NOS2: variants seen among roughly 807,000 people sequenced by gnomAD.
NOS2 encodes the protein nitric oxide synthase 2, also known as nitric oxide synthase, inducible.
NOS2 carries 96 observed loss-of-function variants against 136.0 expected under a neutral mutation model. The observed-to-expected ratio is 0.71, with a 90% confidence interval of 0.60 to 0.84. The LOEUF is 0.84. NOS2 is among the 40% of genes least tolerant of loss of function. NOS2 has a pLI of 0.00. For missense variants in NOS2, 1,237 were observed against 1,496.9 expected (o/e 0.83, Z 2.87); for synonymous variants, 539 against 587.5 (o/e 0.92, Z 1.20).
rs897529599 is a variant in NOS2 at position 27,760,030 on chromosome 17, C to G, written c.3159G>C (p.Lys1053Asn). 1 of 1,524,396 alleles carries G rather than the reference C, an allele frequency of 6.6e-7. No homozygotes were observed. Among genetic ancestry groups the G allele is most frequent in the Non-Finnish European group, 8.8e-7 (1 of 1,137,032 alleles). The allele number at this position is 1,524,396 out of a possible 1,614,324, so 94.4% of individuals were successfully genotyped here. A position where few individuals can be genotyped will look rare whatever the true frequency, so the allele number is the denominator to read the frequency against. Reference sequence around the variant, plus strand: ...TCACCTGCTTTGAGGCTGCATTTACCTTGGGCTTGCCAGGCAGGCGGGAAT... The same window carrying G: ...TCACCTGCTTTGAGGCTGCATTTACGTTGGGCTTGCCAGGCAGGCGGGAAT... ...TAYSRLPGKPKVYVQDILRQQ... is the reference protein window; with the variant it reads ...TAYSRLPGKPNVYVQDILRQQ... Residue 1053 changes from lysine (K) to asparagine (N), a missense_variant and splice_region_variant, in exon 25 of 27, where the codon AAG becomes AAC. By Grantham distance (94) the Lys-to-Asn change is moderately conservative (BLOSUM62 0). Transcript: ENST00000313735.
intron 2 of NOS2, among the ~76,000 whole-genome samples, chr17:27,797,663 C>T (rs900058106): frequency 1.3e-5 from 2 of 152,186 alleles, no homozygotes; most frequent in Non-Finnish European, 2.9e-5. Flanking sequence ...ATGTGGTGGT[C>T]TTGTGTAGAT....
At position 27,763,082 on chromosome 17, in the gene NOS2, C is replaced by A. The variant is rs1908188116; in HGVS notation, c.2593-77G>T. 14 of 891,424 alleles carry A rather than the reference C, an allele frequency of 1.6e-5. No homozygotes were observed. The South Asian group carries it at 2.4e-4, about 15-fold the overall frequency. The allele number at this position is 891,424 out of a possible 1,614,324, so 55.2% of individuals were successfully genotyped here. On this transcript the variant is annotated intron_variant, in intron 21 of 26. Coordinates refer to ENST00000313735, the MANE Select transcript of NOS2 (RefSeq NM_000625.4). ...GAAAAGACTGTCACAACCCAGTATT[C>A]ATTCATTCATTCACTCACTCAACAA... is the stretch of plus-strand genomic sequence containing the variant.
At position 27,760,680 on chromosome 17, in the gene NOS2, C is replaced by T. The variant is rs1908092837; in HGVS notation, c.2953G>A (p.Gly985Ser). ...HPCILIGPGT[G>S]IAPFRSFWQQ... Reference sequence around the variant, plus strand: ...CAGAAACTGCGGAAGGGCGCGATGCCTGTGCCAGGCCCGATGAGGATGCAA... The same window carrying T: ...CAGAAACTGCGGAAGGGCGCGATGCTTGTGCCAGGCCCGATGAGGATGCAA... Residue 985 changes from glycine (G) to serine (S), a missense_variant, in exon 24 of 27, where the codon GGC (glycine) becomes AGC (serine). Around this residue, in one of 3 missense-constraint regions of NOS2, gnomAD observed 782 missense variants for 909.9 expected, o/e 0.86. Coordinates refer to ENST00000313735, the MANE Select transcript of NOS2 (RefSeq NM_000625.4). 1 of 1,551,914 alleles carries T rather than the reference C, an allele frequency of 6.4e-7. No individual in the cohort carries two copies. Among genetic ancestry groups the T allele is most frequent in the Non-Finnish European group, 8.7e-7 (1 of 1,147,488 alleles).
Position 27,769,268 on chromosome 17 carries a change from G to A in NOS2, c.1860-117C>T, listed in dbSNP as rs1908411822. 3 of 1,063,592 alleles carry A rather than the reference G, an allele frequency of 2.8e-6. No individual in the cohort carries two copies. The Admixed American group carries it at 7.7e-5, about 27-fold the overall frequency. 65.9% of individuals were successfully genotyped at this position (1,063,592 alleles called of 1,614,324 possible). Reference sequence around the variant, plus strand: ...GACTCTCCCCCTCCAGCTGGAGAATGGAGCTGGACCCCCTTCTGGTCCTCT... The same window carrying A: ...GACTCTCCCCCTCCAGCTGGAGAATAGAGCTGGACCCCCTTCTGGTCCTCT... On this transcript the variant is annotated intron_variant, in intron 16 of 26. Transcript: ENST00000313735.
chr17:27,773,366 G>A (rs1412921269), intron 12 of NOS2, 123 bp from the exon 13 acceptor site: 17 of 698,838 alleles, frequency 2.4e-5, no homozygotes, highest in East Asian at 2.3e-4. Flanking sequence ...GCTGGCCTGC[G>A]CCCCACCCCT....
Position 27,779,018 on chromosome 17 carries a change from GC to G in NOS2, c.1042del (p.Ala348ProfsTer84). 6.3e-7 allele frequency: 1 copy of G among 1,592,268 alleles called. No individual in the cohort carries two copies. Among genetic ancestry groups the G allele is most frequent in the Non-Finnish European group, 8.6e-7 (1 of 1,167,838 alleles). ...WFRELELKWYALPAVANMLLE... is the reference protein window; with the variant it reads ...WFRELELKWYXLPAVANMLLE... ...CAGCATGTTGGCCACTGCAGGCAGGGCGTACCACTTTAGCTCCAGTTCCCGA... is the reference window on the plus strand; with the variant it reads ...CAGCATGTTGGCCACTGCAGGCAGGGGTACCACTTTAGCTCCAGTTCCCGA... On this transcript the variant is annotated frameshift_variant, in exon 10 of 27. Coordinates refer to ENST00000313735, the MANE Select transcript of NOS2 (RefSeq NM_000625.4). LOFTEE classifies it high-confidence loss of function.
intron 3 of NOS2, 71 bp downstream of exon 3, chr17:27,789,533 A>T: frequency 8.2e-7 from 1 of 1,212,846 alleles, no homozygotes; most frequent in South Asian, 1.2e-5. Flanking sequence ...CCCAGCTCTA[A>T]CAGGCTGCTA....
In NOS2 at chr17:27,765,726, GA is replaced by G; in HGVS notation, c.2247-11del. ...CAGGATGGTGGCACGGCTGGGGAAG[GA>G]AAATGAAGCCTCAGGTGACATTGCA... On this transcript the variant is annotated splice_polypyrimidine_tract_variant and intron_variant, in intron 19 of 26. Transcript: ENST00000313735. The G allele has an allele frequency of 6.3e-7, 1 of 1,592,424 alleles. No homozygotes were observed. Among genetic ancestry groups the G allele is most frequent in the Non-Finnish European group, 8.6e-7 (1 of 1,169,560 alleles).
intron 11 of NOS2, among the ~76,000 whole-genome samples, chr17:27,778,402 G>C (rs145264084): frequency 2.0e-5 from 3 of 152,332 alleles, no homozygotes; most frequent in Non-Finnish European, 4.4e-5. Context: ...GGGGCTAAGA[G>C]AGCCTGTCTG....
intron 12 of NOS2, among the ~76,000 whole-genome samples, chr17:27,773,682 T>C (rs1220776131): frequency 1.3e-5 from 2 of 152,162 alleles, no homozygotes. Flanking sequence ...GCTCTTCCTT[T>C]AGATGAAGGA....
chr17:27,780,665 TG>T, intron 9 of NOS2, 101 bp downstream of exon 9: 1 of 1,489,466 alleles, frequency 6.7e-7, no homozygotes, highest in Non-Finnish European at 9.3e-7. Context: ...TGCTGCTGGC[TG>T]GGCTTTAGGG....
chr17:27,788,984 C>CCT, intron 3 of NOS2, 53 bp from the exon 4 acceptor site: 1 of 1,587,170 alleles, frequency 6.3e-7, no homozygotes, highest in Non-Finnish European at 8.6e-7. Context: ...GACCCCAGGC[C>CCT]CTGCCTTGTC....
chr17:27,774,288 T>C lies in NOS2; in HGVS notation c.1445A>G (p.Asn482Ser). The change falls in exon 12 of 27, where the codon AAC (asparagine) becomes AGC (serine). Residue 482 changes from asparagine to serine, a missense_variant. Physicochemically the swap from Asn to Ser is conservative, Grantham distance 46. Transcript: ENST00000313735. ...GTAGTAGAAAGGGGACAGGACGTAGTTCAGCATCTCCTGGTGAAACACGGG... is the reference window on the plus strand; with the variant it reads ...GTAGTAGAAAGGGGACAGGACGTAGCTCAGCATCTCCTGGTGAAACACGGG... The part of the protein sequence containing the change: ...ITPVFHQEML[N>S]YVLSPFYYYQ... The C allele has an allele frequency of 6.5e-7, 1 of 1,543,954 alleles. No homozygotes were observed. Among genetic ancestry groups the C allele is most frequent in the Non-Finnish European group, 8.7e-7 (1 of 1,147,070 alleles).
chr17:27,792,874 C>T (rs1439657229), intron 2 of NOS2, among the ~76,000 whole-genome samples: 1 of 151,026 alleles, frequency 6.6e-6, no homozygotes, highest in African/African-American at 2.4e-5. Flanking sequence ...CCTGTAGTCC[C>T]AGCTACTCAG....
chr17:27,778,653 C>T (rs562015078), intron 11 of NOS2, 37 bp downstream of exon 11: 3 of 1,545,214 alleles, frequency 1.9e-6, no homozygotes, highest in East Asian at 4.5e-5. Flanking sequence ...AAGCTTCTCA[C>T]CAAAAAGTCT....
At chr17:27,786,843 C>T (rs1387874849) in intron 5 of NOS2, among the ~76,000 whole-genome samples, 1 of 152,168 alleles carries the variant, frequency 6.6e-6, no homozygotes, top group Non-Finnish European at 1.5e-5. Flanking sequence ...GCTATACAAC[C>T]TCTCTTTGGA....
chr17:27,772,524 G>A, intron 13 of NOS2, 72 bp from the exon 14 acceptor site: 1 of 1,562,202 alleles, frequency 6.4e-7, no homozygotes, highest in Non-Finnish European at 8.8e-7. Context: ...GGGACCAGGG[G>A]AATGGGAGGG....
intron 19 of NOS2, 145 bp downstream of exon 19, chr17:27,766,365 G>A (rs1908302753): frequency 1.4e-6 from 1 of 732,084 alleles, no homozygotes; most frequent in Non-Finnish European, 2.4e-6. Context: ...AGGTTACCAG[G>A]TGGGCCGGTC....
intron 17 of NOS2, among the ~76,000 whole-genome samples, chr17:27,768,162 G>A (rs944538533): frequency 2.2e-5 from 2 of 89,266 alleles, no homozygotes; most frequent in African/African-American, 8.1e-5. Flanking sequence ...CAATCCTCCC[G>A]CCTCAGTCCC....
Sources: allele counts gnomAD v4.1 joint callset (sites outside exome capture counted in the v4.1 genomes callset), GRCh38; gene constraint gnomAD v4.1.1; regional missense constraint gnomAD v4.1.1; transcripts MANE v1.5; gene names NCBI Gene and HGNC (gene_info 2026-07-23, HGNC 2026-07-21).